MYO1D: variants seen among roughly 807,000 people sequenced by gnomAD.
MYO1D encodes the protein unconventional myosin-Id.
MYO1D carries 83 observed loss-of-function variants against 122.0 expected under a neutral mutation model. That is an observed-to-expected ratio of 0.68 (90% CI 0.57 to 0.82). The LOEUF (loss-of-function observed/expected upper bound fraction) is 0.82, where lower values mean the gene tolerates loss of function less well. Among genes scored for constraint, MYO1D ranks in the 40% least tolerant of loss-of-function variants. The pLI, the probability that MYO1D is intolerant of heterozygous loss-of-function variation, is 0.00. For missense variants in MYO1D, 1,157 were observed against 1,269.5 expected (o/e 0.91, Z 1.35); for synonymous variants, 464 against 446.9 (o/e 1.04, Z -0.48).
At chr17:32,782,394 C>G (rs1227082013) in intron 1 of MYO1D, among the ~76,000 whole-genome samples, 1 of 152,288 alleles carries the variant, frequency 6.6e-6, no homozygotes, top group East Asian at 1.9e-4. Flanking sequence ...AACTCAATAG[C>G]AGTGATACCT....
Position 32,821,722 on chromosome 17 carries a change from C to G in MYO1D, c.96-40938G>C, listed in dbSNP as rs185278079. Among the ~76,000 whole-genome samples, 50 of 152,252 alleles carry G rather than the reference C, an allele frequency of 3.3e-4. 1 individual carries two copies. The highest frequency in any genetic ancestry group is 5.4e-4 in the Non-Finnish European group (37 of 68,010). On this transcript the variant is annotated intron_variant, in intron 1 of 21. Coordinates refer to ENST00000318217, the MANE Select transcript of MYO1D (RefSeq NM_015194.3). ...TTTTTTCAGGGAAAAACTCCTTTTA[C>G]TTATAAGCATAGGATTTTTGTTCAA...
chr17:32,718,844 C>T (rs997966448), intron 15 of MYO1D, among the ~76,000 whole-genome samples: 1 of 152,178 alleles, frequency 6.6e-6, no homozygotes, highest in African/African-American at 2.4e-5. Context: ...CATGGACCTC[C>T]TCCTCTTCAC....
chr17:32,872,712 C>T (rs2091192149), intron 1 of MYO1D, among the ~76,000 whole-genome samples: 1 of 146,264 alleles, frequency 6.8e-6, no homozygotes, highest in East Asian at 2.0e-4. Context: ...TTTTTTGAGA[C>T]GGAGTCTCGC....
intron 1 of MYO1D, among the ~76,000 whole-genome samples, chr17:32,816,807 CA>C: frequency 6.6e-6 from 1 of 152,270 alleles, no homozygotes; most frequent in African/African-American, 2.4e-5. Context: ...AATTCAACAT[CA>C]AAACCTTAAT....
At chr17:32,657,017 T>C (rs1567933347) in intron 17 of MYO1D, among the ~76,000 whole-genome samples, 2 of 152,156 alleles carry the variant, frequency 1.3e-5, no homozygotes, top group South Asian at 2.1e-4. Flanking sequence ...TATACAACCA[T>C]GGAGAAAGCC....
At chr17:32,805,572 G>A (rs1424321594) in intron 1 of MYO1D, among the ~76,000 whole-genome samples, 1 of 151,946 alleles carries the variant, frequency 6.6e-6, no homozygotes, top group African/African-American at 2.4e-5. Context: ...ATGGAGAAGT[G>A]TGTTATTTGC....
At chr17:32,524,591 T>G (rs142419093) in intron 21 of MYO1D, among the ~76,000 whole-genome samples, 2,860 of 143,530 alleles carry the variant, frequency 0.02, 118 homozygotes, top group African/African-American at 0.07. Flanking sequence ...TTTGAGACAG[T>G]CTCGCTCTTT....
intron 13 of MYO1D, among the ~76,000 whole-genome samples, chr17:32,738,825 T>C (rs2089739926): frequency 6.6e-6 from 1 of 152,144 alleles, no homozygotes; most frequent in African/African-American, 2.4e-5. Flanking sequence ...ATAATTTATA[T>C]ATTAATAGAA....
intron 1 of MYO1D, among the ~76,000 whole-genome samples, chr17:32,807,734 T>A (rs1180642935): frequency 6.6e-6 from 1 of 152,146 alleles, no homozygotes; most frequent in African/African-American, 2.4e-5. Context: ...TCAAAGCAGC[T>A]TGCGTGCTCA....
chr17:32,822,333 T>C (rs540910630), intron 1 of MYO1D, among the ~76,000 whole-genome samples: 2 of 139,066 alleles, frequency 1.4e-5, no homozygotes, highest in South Asian at 4.6e-4. Flanking sequence ...ATGAGAACAC[T>C]TGGACACAGG....
At chr17:32,544,696 A>C (rs1018427954) in intron 21 of MYO1D, among the ~76,000 whole-genome samples, 2 of 152,208 alleles carry the variant, frequency 1.3e-5, no homozygotes, top group African/African-American at 4.8e-5. Flanking sequence ...ATATAGAAAA[A>C]TAAGAGGCAA....
chr17:32,712,223 G>A lies in MYO1D; in HGVS notation c.1914-28C>T, dbSNP rs1272904145. 4 of 1,584,306 alleles carry A rather than the reference G, an allele frequency of 2.5e-6. No individual in the cohort carries two copies. In the South Asian group the frequency reaches 4.4e-5, roughly 18 times the overall value. On this transcript the variant is annotated intron_variant, in intron 15 of 21. Coordinates refer to ENST00000318217, the MANE Select transcript of MYO1D (RefSeq NM_015194.3). ...GGATGAAAAAAAGAAACAGGGTTAA[G>A]GGAGAAAACCATATGGTCATCTCAA...
At chr17:32,784,859 T>C (rs978452418) in intron 1 of MYO1D, among the ~76,000 whole-genome samples, 3 of 151,994 alleles carry the variant, frequency 2.0e-5, no homozygotes, top group Admixed American at 6.6e-5. Flanking sequence ...CGGAAGGTGG[T>C]TGGCCCAGTC....
At chr17:32,787,398 T>C (rs1043611828) in intron 1 of MYO1D, among the ~76,000 whole-genome samples, 20 of 151,030 alleles carry the variant, frequency 1.3e-4, no homozygotes, top group African/African-American at 4.9e-4. Flanking sequence ...CAAGCAGCAG[T>C]GTACACCGTA....
At chr17:32,588,718 C>T (rs1359980550) in intron 21 of MYO1D, among the ~76,000 whole-genome samples, 1 of 152,010 alleles carries the variant, frequency 6.6e-6, no homozygotes, top group Non-Finnish European at 1.5e-5. Context: ...GGGAGGCCGA[C>T]ACAGGTGGAT....
At chr17:32,633,632 C>G (rs1031727492) in intron 20 of MYO1D, among the ~76,000 whole-genome samples, 3 of 152,016 alleles carry the variant, frequency 2.0e-5, no homozygotes, top group African/African-American at 7.2e-5. Flanking sequence ...TGAGTTCTTA[C>G]AAATGTATAC....
intron 20 of MYO1D, among the ~76,000 whole-genome samples, chr17:32,631,723 A>G (rs1300343169): frequency 2.0e-5 from 3 of 152,196 alleles, no homozygotes; most frequent in Non-Finnish European, 4.4e-5. Context: ...TTATGGAAAT[A>G]TTAATATTTT....
intron 8 of MYO1D, among the ~76,000 whole-genome samples, chr17:32,762,094 A>G (rs1191291423): frequency 6.6e-6 from 1 of 152,032 alleles, no homozygotes; most frequent in African/African-American, 2.4e-5. Context: ...CAGGAAGGTT[A>G]GGGAAGGCCT....
intron 1 of MYO1D, among the ~76,000 whole-genome samples, chr17:32,793,467 G>A (rs1452727611): frequency 3.3e-5 from 5 of 152,128 alleles, no homozygotes; most frequent in African/African-American, 9.7e-5. Context: ...AGGAGTGGGA[G>A]GCTTCAAAGA....
Sources: allele counts gnomAD v4.1 joint callset (sites outside exome capture counted in the v4.1 genomes callset), GRCh38; gene constraint gnomAD v4.1.1; transcripts MANE v1.5; gene names NCBI Gene and HGNC (gene_info 2026-07-23, HGNC 2026-07-21).